Variants in MFSD6 observed in about 807,000 individuals in gnomAD.
MFSD6 encodes major facilitator superfamily domain containing 6.
MFSD6 carries 26 observed loss-of-function variants against 56.3 expected under a neutral mutation model. The observed-to-expected ratio is 0.46, with a 90% CI of 0.34 to 0.64. MFSD6 has a LOEUF of 0.64. MFSD6 is among the 30% of genes least tolerant of loss of function. The pLI, the probability that MFSD6 is intolerant of heterozygous loss-of-function variation, is 0.01. For missense variants in MFSD6, 750 were observed against 986.2 expected (o/e 0.76, Z 3.21); for synonymous variants, 331 against 366.9 (o/e 0.90, Z 1.12).
upstream of MFSD6, among the ~76,000 whole-genome samples, chr2:190,408,144 C>G (rs568926184): frequency 4.6e-5 from 7 of 151,802 alleles, no homozygotes; most frequent in East Asian, 1.4e-3. Flanking sequence ...GAGCGCTGCA[C>G]CTGGCGGCCG....
rs755747613 is a variant in MFSD6 at position 190,437,602 on chromosome 2, C to CT, written c.1532+44dup. On this transcript the variant is annotated intron_variant, in intron 3 of 7. Coordinates refer to ENST00000392328, the MANE Select transcript of MFSD6 (RefSeq NM_017694.4). The surrounding 1 kb of genome is among the most constrained non-coding windows in gnomAD (Gnocchi z 5.9). Reference sequence around the variant, plus strand: ...CGATTGCTGCCCCTCAGCAATTGAACTTTATCTTTTTATGGTTTATAGCTC... The same window carrying CT: ...CGATTGCTGCCCCTCAGCAATTGAACTTTTATCTTTTTATGGTTTATAGCTC... The CT allele has an allele frequency of 6.3e-7, 1 of 1,576,088 alleles. No individual in the cohort carries two copies. Among genetic ancestry groups the CT allele is most frequent in the African/African-American group, 1.4e-5 (1 of 73,590 alleles).
In MFSD6 at chr2:190,458,198, G is replaced by C. The variant is rs1212121731; in HGVS notation, c.1533-11560G>C. 6.6e-6 allele frequency among the ~76,000 whole-genome samples: 1 copy of C among 151,942 alleles called. No individual in the cohort carries two copies. Among genetic ancestry groups the C allele is most frequent in the Non-Finnish European group, 1.5e-5 (1 of 68,026 alleles). On this transcript the variant is annotated intron_variant, in intron 3 of 7. Coordinates refer to ENST00000392328, the MANE Select transcript of MFSD6 (RefSeq NM_017694.4). This position sits in a 1 kb window ranked among gnomAD's most constrained non-coding sequence, Gnocchi z 5.3. ...TTTAATGGGCTGAATTGTGGCCCCTGAAGATTCATACGTTGAGGTCCTAAC... is the reference window on the plus strand; with the variant it reads ...TTTAATGGGCTGAATTGTGGCCCCTCAAGATTCATACGTTGAGGTCCTAAC...
chr2:190,411,759 G>A, intron 1 of MFSD6: 9 of 985,366 alleles, frequency 9.1e-6, no homozygotes, highest in Non-Finnish European at 1.1e-5. Context: ...AGAGTCTCAG[G>A]TGACTGGCTT....
intron 4 of MFSD6, among the ~76,000 whole-genome samples, chr2:190,472,137 G>C (rs1687979219): frequency 6.6e-6 from 1 of 152,026 alleles, no homozygotes; most frequent in African/African-American, 2.4e-5. Context: ...ACAAAGATGG[G>C]GAAAAAACAG....
rs1301512572 is a variant in MFSD6 at position 190,443,642 on chromosome 2, C to T, written c.1532+6081C>T. Among the ~76,000 whole-genome samples, 1 of 152,158 alleles carries T rather than the reference C, an allele frequency of 6.6e-6. No homozygotes were observed. Among genetic ancestry groups the T allele is most frequent in the Non-Finnish European group, 1.5e-5 (1 of 68,022 alleles). ...TTAGTCAAATTGAAATTTTTCTCCCCAAATTTCTGATGACCATAGATTTTC... is the reference window on the plus strand; with the variant it reads ...TTAGTCAAATTGAAATTTTTCTCCCTAAATTTCTGATGACCATAGATTTTC... On this transcript the variant is annotated intron_variant, in intron 3 of 7. Coordinates refer to ENST00000392328, the MANE Select transcript of MFSD6 (RefSeq NM_017694.4). This position sits in a 1 kb window ranked among gnomAD's most constrained non-coding sequence, Gnocchi z 4.2.
chr2:190,436,624 A>G lies in MFSD6; in HGVS notation c.595A>G (p.Arg199Gly). 1 of 1,614,236 alleles carries G rather than the reference A, an allele frequency of 6.2e-7. No individual in the cohort carries two copies. Among genetic ancestry groups the G allele is most frequent in the Middle Eastern group, 1.6e-4 (1 of 6,062 alleles). ...CATATCACCAAAAATGCGTGAGAAA[A>G]GAAACCTTTTGGAAACAAGGCTCAA... is the stretch of plus-strand genomic sequence containing the variant. ...LTISPKMREK[R>G]NLLETRLNVS... The change falls in exon 3 of 8, where the codon AGA (arginine) becomes GGA (glycine). Residue 199 changes from arginine to glycine, a missense_variant. Around this residue, in one of 5 missense-constraint regions of MFSD6, gnomAD observed 376 missense variants for 437.9 expected, o/e 0.86. Transcript: ENST00000392328. The surrounding 1 kb of genome is among the most constrained non-coding windows in gnomAD (Gnocchi z 5.3).
chr2:190,499,856 G>A lies in MFSD6; in HGVS notation c.2173-159G>A. On this transcript the variant is annotated intron_variant, in intron 7 of 7. Coordinates refer to ENST00000392328, the MANE Select transcript of MFSD6 (RefSeq NM_017694.4). The surrounding 1 kb of genome is among the most constrained non-coding windows in gnomAD (Gnocchi z 6.0). ...GTTGCACATAGGAAAGGAGATGAAA[G>A]GTAAGACATTCTATCCTTATTCCTC... 6.5e-7 allele frequency: 1 copy of A among 1,548,764 alleles called. No individual in the cohort carries two copies. The highest frequency in any genetic ancestry group is 8.7e-7 in the Non-Finnish European group (1 of 1,145,822).
In MFSD6 at chr2:190,499,993, A is replaced by G; in HGVS notation, c.2173-22A>G. ...TATTTGCTATCACTGATCATGGGGC[A>G]TCTCCTGTTTTTTACCTCCAGGGGA... is the stretch of plus-strand genomic sequence containing the variant. On this transcript the variant is annotated intron_variant, in intron 7 of 7. Coordinates refer to ENST00000392328, the MANE Select transcript of MFSD6 (RefSeq NM_017694.4). The surrounding 1 kb of genome is among the most constrained non-coding windows in gnomAD (Gnocchi z 6.0). 6.2e-7 allele frequency: 1 copy of G among 1,612,336 alleles called. No individual in the cohort carries two copies. Among genetic ancestry groups the G allele is most frequent in the Non-Finnish European group, 8.5e-7 (1 of 1,178,396 alleles).
At chr2:190,466,476 GAGGA>G (rs1687610461) in intron 3 of MFSD6, among the ~76,000 whole-genome samples, 2 of 152,192 alleles carry the variant, frequency 1.3e-5, no homozygotes, top group South Asian at 4.1e-4. Context: ...AATGGTTGGT[GAGGA>G]AGGAATGCGA....
chr2:190,408,754 G>A (rs62180990), intron 1 of MFSD6, among the ~76,000 whole-genome samples: 32,947 of 151,820 alleles, frequency 0.22, 3,725 homozygotes, highest in Middle Eastern at 0.29. Flanking sequence ...TGGGGTGCTG[G>A]GGGAGGCTGC....
chr2:190,444,617 G>A (rs1490817390), intron 3 of MFSD6, among the ~76,000 whole-genome samples: 4 of 152,026 alleles, frequency 2.6e-5, no homozygotes, highest in Non-Finnish European at 5.9e-5. Context: ...TTTTGTTTGT[G>A]TTTTTCATTT....
intron 4 of MFSD6, among the ~76,000 whole-genome samples, chr2:190,481,830 ATGCTGC>A (rs529640105): frequency 7.7e-4 from 118 of 152,316 alleles, no homozygotes; most frequent in African/African-American, 2.7e-3. Flanking sequence ...CAGAAGATCC[ATGCTGC>A]TGCTGCTGCT....
intron 3 of MFSD6, among the ~76,000 whole-genome samples, chr2:190,441,612 C>G (rs1686381328): frequency 6.6e-6 from 1 of 152,090 alleles, no homozygotes; most frequent in Admixed American, 6.5e-5. Context: ...TGTACATGTG[C>G]TGGTCAGTAC....
chr2:190,421,447 G>A (rs1192107213), intron 2 of MFSD6, among the ~76,000 whole-genome samples: 1 of 151,928 alleles, frequency 6.6e-6, no homozygotes, highest in Non-Finnish European at 1.5e-5. Flanking sequence ...TATTTTTAAA[G>A]TGAGAGTTAT....
chr2:190,481,717 A>G lies in MFSD6; in HGVS notation c.1631-6940A>G, dbSNP rs147458701. Among the ~76,000 whole-genome samples, 75 of 152,366 alleles carry G rather than the reference A, an allele frequency of 4.9e-4. 1 individual carries two copies. The East Asian group carries it at 0.014, about 28-fold the overall frequency. On this transcript the variant is annotated intron_variant, in intron 4 of 7. Coordinates refer to ENST00000392328, the MANE Select transcript of MFSD6 (RefSeq NM_017694.4). ...ATGCTGAGTAAATACTGTTGAATGC[A>G]TGAAGGGGATTCTTGCAGTCCTATA...
rs1690741530 is a variant in MFSD6 at position 190,415,552 on chromosome 2, G to C, written c.-54+139G>C. The C allele has an allele frequency of 6.6e-6, 1 of 152,142 alleles. No individual in the cohort carries two copies. The highest frequency in any genetic ancestry group is 6.5e-5 in the Admixed American group (1 of 15,272). The allele number at this position is 152,142 out of a possible 1,614,324, so 9.4% of individuals were successfully genotyped here. ...CCCAAAGTGCTGGGATTACGGATGT[G>C]AGCCACTGTGCTCAGCCACTTTTTT... On this transcript the variant is annotated intron_variant, in intron 2 of 7. Coordinates refer to ENST00000392328, the MANE Select transcript of MFSD6 (RefSeq NM_017694.4). The surrounding 1 kb of genome is among the most constrained non-coding windows in gnomAD (Gnocchi z 4.5).
In MFSD6 at chr2:190,465,416, G is replaced by A. The variant is rs533237823; in HGVS notation, c.1533-4342G>A. On this transcript the variant is annotated intron_variant, in intron 3 of 7. Coordinates refer to ENST00000392328, the MANE Select transcript of MFSD6 (RefSeq NM_017694.4). This position sits in a 1 kb window ranked among gnomAD's most constrained non-coding sequence, Gnocchi z 4.6. Reference sequence around the variant, plus strand: ...GGTGTTCAGTAGGTATCTATATCTCGTGGAGAGACTTTTTTTTTCAGTGTC... The same window carrying A: ...GGTGTTCAGTAGGTATCTATATCTCATGGAGAGACTTTTTTTTTCAGTGTC... Among the ~76,000 whole-genome samples the A allele has an allele frequency of 1.1e-4, 17 of 148,638 alleles. No individual in the cohort carries two copies. The highest frequency in any genetic ancestry group is 3.4e-4 in the African/African-American group (14 of 41,156).
Position 190,469,987 on chromosome 2 carries a change from G to A in MFSD6, c.1630+132G>A. 4.8e-6 allele frequency: 3 copies of A among 619,784 alleles called. No homozygotes were observed. Among genetic ancestry groups the A allele is most frequent in the South Asian group, 4.5e-5 (2 of 44,184 alleles). The allele number at this position is 619,784 out of a possible 1,614,324, so 38.4% of individuals were successfully genotyped here. ...TGTTTCATGTGATTTTGAAGTGGTT[G>A]TTAAGGAAGAGATGACATCAGGAGG... On this transcript the variant is annotated intron_variant, in intron 4 of 7. Transcript: ENST00000392328. The surrounding 1 kb of genome is among the most constrained non-coding windows in gnomAD (Gnocchi z 5.3).
chr2:190,455,800 ATGAG>A (rs1687000394), intron 3 of MFSD6, among the ~76,000 whole-genome samples: 1 of 151,870 alleles, frequency 6.6e-6, no homozygotes, highest in Admixed American at 6.6e-5. Flanking sequence ...AAGAAAGGAC[ATGAG>A]TGGTTGGAAA....
Sources: allele counts gnomAD v4.1 joint callset (sites outside exome capture counted in the v4.1 genomes callset), GRCh38; gene constraint gnomAD v4.1.1; regional missense constraint gnomAD v4.1.1; non-coding constraint Gnocchi (gnomAD v3.1); transcripts MANE v1.5; gene names NCBI Gene and HGNC (gene_info 2026-07-23, HGNC 2026-07-21).